ZBED4: variants seen among roughly 807,000 people sequenced by gnomAD.
The protein encoded by ZBED4 is zinc finger BED-type containing 4.
A neutral mutation model predicts 15.5 loss-of-function variants in ZBED4; 4 were observed. The ratio of observed to expected loss-of-function variants is 0.26; its 90% confidence interval spans 0.13 to 0.59. The LOEUF is 0.59. ZBED4 is among the 20% of genes least tolerant of loss of function. The pLI is 0.90. For missense variants in ZBED4, 1,323 were observed against 1,461.8 expected (o/e 0.91, Z 1.55); for synonymous variants, 692 against 608.5 (o/e 1.14, Z -2.02).
intron 1 of ZBED4, among the ~76,000 whole-genome samples, chr22:49,879,053 G>T (rs2147534826): frequency 6.6e-6 from 1 of 150,946 alleles, no homozygotes; most frequent in Middle Eastern, 3.4e-3. Context: ...GCTGAGGCAG[G>T]AGAATCACTT....
In ZBED4 at chr22:49,886,734, G is replaced by A. The variant is rs1420225393; in HGVS notation, c.3072G>A (p.Gln1024=). 6 of 1,613,064 alleles carry A rather than the reference G, an allele frequency of 3.7e-6. No individual in the cohort carries two copies. The highest frequency in any genetic ancestry group is 8.5e-7 in the Non-Finnish European group (1 of 1,179,730). Residue 1024 remains glutamine, a synonymous_variant, in exon 2 of 2, where the codon CAG becomes CAA. Transcript: ENST00000216268. This position sits in a 1 kb window ranked among gnomAD's most constrained non-coding sequence, Gnocchi z 7.7. ...ASLFTEEEAE[Q]YKQDLIRELE... ...TGTTTACGGAGGAGGAGGCGGAGCA[G>A]TACAAACAGGATTTAATCAGGGAAC...
chr22:49,882,324 G>T (rs1199312554), intron 1 of ZBED4, among the ~76,000 whole-genome samples: 1 of 152,172 alleles, frequency 6.6e-6, no homozygotes, highest in Non-Finnish European at 1.5e-5. Context: ...GGCTGAGTCG[G>T]GAGGAGGGCT....
intron 1 of ZBED4, among the ~76,000 whole-genome samples, chr22:49,866,136 A>T (rs1601787517): frequency 1.3e-5 from 2 of 151,972 alleles, no homozygotes; most frequent in Non-Finnish European, 1.5e-5. Flanking sequence ...AGCCCAAAGG[A>T]TTTAAGTCTA....
At chr22:49,876,203 G>A (rs981403579) in intron 1 of ZBED4, among the ~76,000 whole-genome samples, 3 of 152,178 alleles carry the variant, frequency 2.0e-5, no homozygotes, top group Admixed American at 6.5e-5. Flanking sequence ...CCAGAGAAGA[G>A]TCTGTCTTGG....
chr22:49,856,988 A>G (rs1398693997), intron 1 of ZBED4, among the ~76,000 whole-genome samples: 2 of 152,086 alleles, frequency 1.3e-5, no homozygotes, highest in Non-Finnish European at 2.9e-5. Context: ...GGCCCTGGGG[A>G]TGGGGTTGTG....
At chr22:49,857,726 G>A (rs2060280410) in intron 1 of ZBED4, among the ~76,000 whole-genome samples, 2 of 152,080 alleles carry the variant, frequency 1.3e-5, no homozygotes, top group African/African-American at 4.8e-5. Flanking sequence ...TGAGTAGCTG[G>A]AATTACAGGC....
At position 49,885,127 on chromosome 22, in the gene ZBED4, A is replaced by G. The variant is rs1204721157; in HGVS notation, c.1465A>G (p.Lys489Glu). ...YCGCAISRGK[K>E]GDVGTSCLMR... ...CGGCTGTGCCATCAGCCGGGGGAAGAAGGGTGATGTGGGCACCAGCTGCCT... is the reference window on the plus strand; with the variant it reads ...CGGCTGTGCCATCAGCCGGGGGAAGGAGGGTGATGTGGGCACCAGCTGCCT... Residue 489 changes from lysine (K) to glutamate (E), a missense_variant, in exon 2 of 2, where the codon AAG becomes GAG. Lys to Glu is a moderately conservative substitution (Grantham distance 56, BLOSUM62 1). Transcript: ENST00000216268. 6.2e-7 allele frequency: 1 copy of G among 1,614,176 alleles called. No individual in the cohort carries two copies. Among genetic ancestry groups the G allele is most frequent in the East Asian group, 2.2e-5 (1 of 44,878 alleles).
intron 1 of ZBED4, among the ~76,000 whole-genome samples, chr22:49,874,486 A>G (rs2060365587): frequency 6.6e-6 from 1 of 150,590 alleles, no homozygotes. Context: ...CCCAGGTTCA[A>G]GCGATTCTCC....
At chr22:49,874,767 C>T (rs2060367848) in intron 1 of ZBED4, among the ~76,000 whole-genome samples, 1 of 147,838 alleles carries the variant, frequency 6.8e-6, no homozygotes, top group Non-Finnish European at 1.5e-5. Context: ...GCACCTCGAC[C>T]TCCCGTCCAG....
At chr22:49,855,033 T>C (rs1480120538) in intron 1 of ZBED4, among the ~76,000 whole-genome samples, 1 of 152,180 alleles carries the variant, frequency 6.6e-6, no homozygotes, top group East Asian at 1.9e-4. Flanking sequence ...ACATTTTGAT[T>C]ATGAATTAAT....
intron 1 of ZBED4, among the ~76,000 whole-genome samples, chr22:49,858,911 T>C (rs888065024): frequency 1.3e-5 from 2 of 152,170 alleles, no homozygotes; most frequent in Admixed American, 6.5e-5. Flanking sequence ...AGGCCTGATT[T>C]GATACAGGGG....
chr22:49,879,187 C>T (rs1385828579), intron 1 of ZBED4, among the ~76,000 whole-genome samples: 6 of 151,040 alleles, frequency 4.0e-5, no homozygotes, highest in African/African-American at 1.2e-4. Flanking sequence ...TGAAGTGGCG[C>T]AATCTCGGCT....
rs373979275 is a variant in ZBED4 at position 49,886,788 on chromosome 22, C to T, written c.3126C>T (p.Asp1042=). The change falls in exon 2 of 2, where the codon GAC becomes GAT. Residue 1042 remains aspartate (D), a synonymous_variant. Coordinates refer to ENST00000216268, the MANE Select transcript of ZBED4 (RefSeq NM_014838.3). This position sits in a 1 kb window ranked among gnomAD's most constrained non-coding sequence, Gnocchi z 7.7. ...ELELMNSTSE[D]VAASHRCDAG... is the part of the protein sequence containing the mutation. Reference sequence around the variant, plus strand: ...AACTCATGAATTCTACCTCAGAGGACGTGGCTGCCTCCCACAGGTGTGATG... The same window carrying T: ...AACTCATGAATTCTACCTCAGAGGATGTGGCTGCCTCCCACAGGTGTGATG... 5 of 1,612,546 alleles carry T rather than the reference C, an allele frequency of 3.1e-6. No individual in the cohort carries two copies. The highest frequency in any genetic ancestry group is 1.1e-5 in the South Asian group (1 of 90,912).
chr22:49,882,230 C>T (rs2060413145), intron 1 of ZBED4, among the ~76,000 whole-genome samples: 1 of 152,216 alleles, frequency 6.6e-6, no homozygotes, highest in Admixed American at 6.5e-5. Flanking sequence ...AGTTCTCCCA[C>T]TTTCTGGCAT....
At chr22:49,864,948 C>A (rs1016827364) in intron 1 of ZBED4, among the ~76,000 whole-genome samples, 1 of 98,534 alleles carries the variant, frequency 1.0e-5, no homozygotes. Context: ...CCCCCCCCCC[C>A]CCCCGTGAAG....
intron 1 of ZBED4, among the ~76,000 whole-genome samples, chr22:49,854,411 C>T (rs1432336086): frequency 1.3e-5 from 2 of 152,146 alleles, no homozygotes; most frequent in African/African-American, 4.8e-5. Context: ...TCCCGTCCCA[C>T]CTCCAGGAAG....
At chr22:49,854,473 G>C (rs1412926336) in intron 1 of ZBED4, among the ~76,000 whole-genome samples, 1 of 152,208 alleles carries the variant, frequency 6.6e-6, no homozygotes, top group Non-Finnish European at 1.5e-5. Context: ...CTTGCGACGC[G>C]CCCCGAGGCA....
Position 49,884,788 on chromosome 22 carries a change from C to T in ZBED4, c.1126C>T (p.Pro376Ser), listed in dbSNP as rs1316600157. 1.2e-6 allele frequency: 2 copies of T among 1,608,700 alleles called. No individual in the cohort carries two copies. Among genetic ancestry groups the T allele is most frequent in the South Asian group, 1.1e-5 (1 of 90,726 alleles). ...EGELSSVSSSPVKPVRESPSA... is the reference protein window; with the variant it reads ...EGELSSVSSSSVKPVRESPSA... ...GGAGCTCAGCTCTGTGTCCTCGTCT[C>T]CAGTAAAGCCGGTCAGAGAGTCCCC... Residue 376 changes from proline (P) to serine (S), a missense_variant, in exon 2 of 2, where the codon CCA (proline) becomes TCA (serine). Pro to Ser is a moderately conservative substitution (Grantham distance 74, BLOSUM62 -1). Around this residue, in one of 6 missense-constraint regions of ZBED4, gnomAD observed 429 missense variants for 397.9 expected, o/e 1.08. Transcript: ENST00000216268.
intron 1 of ZBED4, among the ~76,000 whole-genome samples, chr22:49,876,117 GT>G (rs1386805000): frequency 6.6e-6 from 1 of 151,982 alleles, no homozygotes; most frequent in Non-Finnish European, 1.5e-5. Context: ...TATTGCTGAA[GT>G]TTTATTCAGT....
Sources: gnomAD v4.1 joint callset for allele counts (sites outside exome capture counted in the v4.1 genomes callset) on GRCh38, gnomAD v4.1.1 for gene constraint, gnomAD v4.1.1 regional missense constraint, Gnocchi (gnomAD v3.1) non-coding constraint, MANE v1.5 for transcripts, NCBI Gene and HGNC (gene_info 2026-07-23, HGNC 2026-07-21) for gene names.